KHDRBS2: variants seen among roughly 807,000 people sequenced by gnomAD.
KHDRBS2 encodes the protein KH domain-containing, RNA-binding, signal transduction-associated protein 2.
In KHDRBS2, 26 loss-of-function variants were observed where a neutral mutation model predicts 44.3. That is an observed-to-expected ratio of 0.59 (90% CI 0.43 to 0.81). The LOEUF (loss-of-function observed/expected upper bound fraction) is 0.81, where lower values mean the gene tolerates loss of function less well. KHDRBS2 is among the 40% of genes least tolerant of loss of function. The probability of loss-of-function intolerance (pLI) is 0.00; values close to 1 mark genes in which losing one functional copy is unlikely to be tolerated. For synonymous variants in KHDRBS2, 194 were observed against 151.1 expected, an observed-to-expected ratio of 1.28 and a Z score of -2.08; for missense variants, 476 against 433.1, an observed-to-expected ratio of 1.10 and a Z score of -0.88.
intron 6 of KHDRBS2, among the ~76,000 whole-genome samples, chr6:61,808,017 G>A (rs1206975893): frequency 1.3e-5 from 2 of 152,000 alleles, no homozygotes; most frequent in African/African-American, 4.8e-5. Context: ...GTCACTTAAA[G>A]CAACTGCTTG....
intron 3 of KHDRBS2, among the ~76,000 whole-genome samples, chr6:62,019,880 A>T (rs1781937878): frequency 6.6e-6 from 1 of 151,786 alleles, no homozygotes; most frequent in South Asian, 2.1e-4. Flanking sequence ...CTCCAAGAAC[A>T]AGAATTTTTA....
chr6:61,709,326 A>C (rs982842134), intron 7 of KHDRBS2, among the ~76,000 whole-genome samples: 14 of 151,738 alleles, frequency 9.2e-5, no homozygotes, highest in African/African-American at 1.2e-4. Flanking sequence ...GGACAGTGAC[A>C]TATTTGCTCT....
chr6:61,954,375 G>GATAGATATACA (rs1765514021), intron 4 of KHDRBS2, among the ~76,000 whole-genome samples: 3 of 50,130 alleles, frequency 6.0e-5, no homozygotes, highest in African/African-American at 9.5e-5. Context: ...ATATACGTAT[G>GATAGATATACA]TATGCATGCA....
At chr6:61,964,415 A>T (rs1466032581) in intron 4 of KHDRBS2, among the ~76,000 whole-genome samples, 1 of 151,984 alleles carries the variant, frequency 6.6e-6, no homozygotes, top group Non-Finnish European at 1.5e-5. Context: ...GACTTCAGGG[A>T]GCTGAATTTC....
At chr6:62,161,614 C>T (rs1223053573) in intron 2 of KHDRBS2, among the ~76,000 whole-genome samples, 1 of 122,684 alleles carries the variant, frequency 8.2e-6, no homozygotes, top group East Asian at 2.7e-4. Context: ...CTGAAGATTT[C>T]AATGAAAAAC....
chr6:62,088,584 A>C (rs1218803140), intron 2 of KHDRBS2, among the ~76,000 whole-genome samples: 1 of 152,126 alleles, frequency 6.6e-6, no homozygotes, highest in African/African-American at 2.4e-5. Context: ...GCTTTGTCCC[A>C]GAGGGGCACC....
At chr6:61,583,349 G>C in the KHDRBS2 span, among the ~76,000 whole-genome samples, 1 of 151,730 alleles carries the variant, frequency 6.6e-6, no homozygotes, top group East Asian at 1.9e-4. Flanking sequence ...ACACTATTTT[G>C]TAAAATAACA....
At chr6:61,732,621 A>G in intron 7 of KHDRBS2, 61 bp downstream of exon 7, 2 of 962,116 alleles carry the variant, frequency 2.1e-6, no homozygotes, top group South Asian at 2.7e-5. Context: ...ATTCAGATTC[A>G]AGAAACAAAA....
chr6:62,018,313 G>A (rs1390073065), intron 3 of KHDRBS2, among the ~76,000 whole-genome samples: 22 of 7,114 alleles, frequency 3.1e-3, no homozygotes, highest in East Asian at 0.014. Flanking sequence ...GTGTGTGTGT[G>A]TGTGTGTGTG....
chr6:61,796,185 A>G (rs776775990), intron 6 of KHDRBS2, among the ~76,000 whole-genome samples: 1 of 152,056 alleles, frequency 6.6e-6, no homozygotes, highest in African/African-American at 2.4e-5. Flanking sequence ...AATCATCATG[A>G]TTTGGCTTCA....
chr6:62,121,359 T>A (rs898649701), intron 2 of KHDRBS2, among the ~76,000 whole-genome samples: 2 of 152,218 alleles, frequency 1.3e-5, no homozygotes, highest in Non-Finnish European at 2.9e-5. Context: ...GGGTGGTGAT[T>A]CCCACCACAT....
rs1374907591 is a variant in KHDRBS2, at chr6:62,026,164, T to A, written c.336+21714A>T. Among the ~76,000 whole-genome samples, 9 of 151,848 alleles carry A rather than the reference T, an allele frequency of 5.9e-5. No individual in the cohort carries two copies. In the East Asian group the frequency reaches 1.7e-3, roughly 29 times the overall value. On this transcript the variant is annotated intron_variant, in intron 3 of 8. Coordinates refer to ENST00000281156, the MANE Select transcript of KHDRBS2 (RefSeq NM_152688.4). Reference sequence around the variant, plus strand: ...GGTATTTCAAGCTGTAAGTGTCCATTTACTTACTTATATTAATATTTATAC... The same window carrying A: ...GGTATTTCAAGCTGTAAGTGTCCATATACTTACTTATATTAATATTTATAC...
At chr6:62,270,877 T>C (rs1332969323) in intron 1 of KHDRBS2, among the ~76,000 whole-genome samples, 1 of 152,078 alleles carries the variant, frequency 6.6e-6, no homozygotes, top group Non-Finnish European at 1.5e-5. Flanking sequence ...TCAAAGAGAT[T>C]TAGAAATTGG....
At chr6:61,690,817 C>A (rs1767322224) in intron 8 of KHDRBS2, among the ~76,000 whole-genome samples, 1 of 151,876 alleles carries the variant, frequency 6.6e-6, no homozygotes, top group Non-Finnish European at 1.5e-5. Flanking sequence ...GAAGCAGATA[C>A]TGATAGGAAA....
At chr6:62,044,229 C>T (rs1584331728) in intron 3 of KHDRBS2, among the ~76,000 whole-genome samples, 1 of 151,962 alleles carries the variant, frequency 6.6e-6, no homozygotes, top group Non-Finnish European at 1.5e-5. Context: ...CTTTGGCAGG[C>T]TGAGGCAGGA....
the KHDRBS2 span, among the ~76,000 whole-genome samples, chr6:61,548,930 G>A: frequency 2.0e-5 from 3 of 152,040 alleles, no homozygotes; most frequent in South Asian, 2.1e-4. Context: ...AAATAGTTAC[G>A]TCAGTTTGGT....
At chr6:61,715,387 G>T (rs2127552659) in intron 7 of KHDRBS2, among the ~76,000 whole-genome samples, 1 of 151,870 alleles carries the variant, frequency 6.6e-6, no homozygotes, top group South Asian at 2.1e-4. Flanking sequence ...TTTCCTAGTG[G>T]TATATTTAGG....
At chr6:62,078,220 C>T (rs562919776) in intron 2 of KHDRBS2, among the ~76,000 whole-genome samples, 3 of 152,044 alleles carry the variant, frequency 2.0e-5, no homozygotes, top group Admixed American at 6.6e-5. Flanking sequence ...TTGAGAAATT[C>T]AGAAATGTCT....
chr6:61,904,338 T>C (rs1804588526), intron 4 of KHDRBS2, among the ~76,000 whole-genome samples: 1 of 152,192 alleles, frequency 6.6e-6, no homozygotes, highest in African/African-American at 2.4e-5. Flanking sequence ...ATGGAGGGGA[T>C]TTCTTATTCT....
Sources: allele counts gnomAD v4.1 joint callset (sites outside exome capture counted in the v4.1 genomes callset), GRCh38; gene constraint gnomAD v4.1.1; transcripts MANE v1.5; gene names NCBI Gene and HGNC (gene_info 2026-07-23, HGNC 2026-07-21).